The following FREM3 variants were observed in gnomAD, a reference collection of about 807,000 sequenced individuals.
The protein encoded by FREM3 is FRAS1-related extracellular matrix protein 3.
Under a neutral mutation model 129.1 loss-of-function variants are expected in FREM3, and 105 were observed. That is an observed-to-expected ratio of 0.81 (90% CI 0.69 to 0.96). FREM3 has a LOEUF of 0.96. Among genes scored for constraint, FREM3 ranks in the 40% least tolerant of loss-of-function variants. The pLI is 0.00. For synonymous variants in FREM3, 1,014 were observed against 1,044.9 expected, an observed-to-expected ratio of 0.97 and a Z score of 0.57; for missense variants, 2,593 against 2,666.3, an observed-to-expected ratio of 0.97 and a Z score of 0.61.
At chr4:143,644,280 G>A (rs1235422195) in intron 2 of FREM3, among the ~76,000 whole-genome samples, 1 of 151,968 alleles carries the variant, frequency 6.6e-6, no homozygotes, top group Non-Finnish European at 1.5e-5. Context: ...CCGTGTATCT[G>A]CATCATCTTC....
chr4:143,695,692 T>C lies in FREM3; in HGVS notation c.4984A>G (p.Ile1662Val). The C allele has an allele frequency of 6.5e-7, 1 of 1,537,252 alleles. No individual in the cohort carries two copies. Among genetic ancestry groups the C allele is most frequent in the Non-Finnish European group, 8.7e-7 (1 of 1,146,918 alleles). The change falls in exon 1 of 8, where the codon ATT becomes GTT. Residue 1662 changes from isoleucine (I) to valine (V), a missense_variant. Ile to Val is a conservative substitution (Grantham distance 29). Coordinates refer to ENST00000329798, the MANE Select transcript of FREM3 (RefSeq NM_001168235.2). ...IRSLDNRLPQ[I>V]TTNRGAPALK... ...GCTGGGGCACCCCTGTTGGTAGTAA[T>C]CTGGGGAAGCCTATTGTCTAATGAT...
rs77529046 is a variant in FREM3, at chr4:143,618,504, C to G, written c.5779+2533G>C. Among the ~76,000 whole-genome samples the G allele has an allele frequency of 7.3e-3, 1,111 of 152,244 alleles. 9 individuals carry two copies. The highest frequency in any genetic ancestry group is 0.027 in the Middle Eastern group (8 of 294). ...GTAGCATCTTGACTCTTGCATATCTCTTGGTGGAACTGAAACTGAGGGCTA... is the reference window on the plus strand; with the variant it reads ...GTAGCATCTTGACTCTTGCATATCTGTTGGTGGAACTGAAACTGAGGGCTA... On this transcript the variant is annotated intron_variant, in intron 5 of 7. Transcript: ENST00000329798.
At chr4:143,653,358 A>G (rs1209197841) in intron 2 of FREM3, among the ~76,000 whole-genome samples, 2 of 152,200 alleles carry the variant, frequency 1.3e-5, no homozygotes, top group African/African-American at 4.8e-5. Context: ...GTCATTCAAC[A>G]GCTTCTTACT....
At chr4:143,670,929 C>T (rs1739954030) in intron 2 of FREM3, among the ~76,000 whole-genome samples, 1 of 151,864 alleles carries the variant, frequency 6.6e-6, no homozygotes, top group South Asian at 2.1e-4. Flanking sequence ...TGGAGAGAAA[C>T]ATGAATGCAA....
intron 6 of FREM3, among the ~76,000 whole-genome samples, chr4:143,603,856 A>T (rs534528585): frequency 6.6e-6 from 1 of 152,168 alleles, no homozygotes; most frequent in South Asian, 2.1e-4. Flanking sequence ...ATAGCCAACC[A>T]CTAACCAATG....
chr4:143,577,732 T>C lies in FREM3; in HGVS notation c.6299A>G (p.Lys2100Arg). The C allele has an allele frequency of 6.5e-7, 1 of 1,537,326 alleles. No homozygotes were observed. Among genetic ancestry groups the C allele is most frequent in the Non-Finnish European group, 8.7e-7 (1 of 1,146,926 alleles). ...AGGCATCTGAAGAAGTAATTCAAAC[T>C]TCTCTGGGCCTTCCAAGGTAGGCTG... ...LGQPTLEGPEKFELLLQMPMG... is the reference protein window; with the variant it reads ...LGQPTLEGPERFELLLQMPMG... Residue 2100 changes from lysine to arginine, a missense_variant, in exon 8 of 8, where the codon AAG becomes AGG. Transcript: ENST00000329798.
intron 2 of FREM3, among the ~76,000 whole-genome samples, chr4:143,657,282 A>G (rs772522921): frequency 2.0e-5 from 3 of 152,350 alleles, no homozygotes; most frequent in Non-Finnish European, 4.4e-5. Context: ...TCCATAAAGT[A>G]GGTTAATGGT....
intron 6 of FREM3, among the ~76,000 whole-genome samples, chr4:143,603,458 G>C (rs1238294491): frequency 6.6e-6 from 1 of 152,132 alleles, no homozygotes; most frequent in Non-Finnish European, 1.5e-5. Context: ...AGTTGTCTCT[G>C]ATTATGATGA....
At chr4:143,690,549 C>T (rs1176406983) in intron 2 of FREM3, among the ~76,000 whole-genome samples, 5 of 151,982 alleles carry the variant, frequency 3.3e-5, no homozygotes, top group African/African-American at 1.2e-4. Flanking sequence ...TCCTTCAGCC[C>T]GATGGTGAAA....
chr4:143,652,876 G>C (rs1026598836), intron 2 of FREM3, among the ~76,000 whole-genome samples: 1 of 152,176 alleles, frequency 6.6e-6, no homozygotes, highest in Non-Finnish European at 1.5e-5. Context: ...TGATCCGCCT[G>C]CCTCGGCCTC....
intron 6 of FREM3, among the ~76,000 whole-genome samples, chr4:143,590,673 C>T (rs1738341987): frequency 6.6e-6 from 1 of 152,174 alleles, no homozygotes; most frequent in Non-Finnish European, 1.5e-5. Flanking sequence ...CATCAATGTT[C>T]ATCAAGGATA....
intron 7 of FREM3, among the ~76,000 whole-genome samples, chr4:143,584,415 C>CAA (rs33979492): frequency 4.8e-4 from 44 of 90,730 alleles, no homozygotes; most frequent in African/African-American, 1.3e-3. Flanking sequence ...GACTCCGTCT[C>CAA]AAAAAAAAAA....
intron 2 of FREM3, among the ~76,000 whole-genome samples, chr4:143,655,967 AC>A (rs1379722851): frequency 6.6e-6 from 1 of 152,160 alleles, no homozygotes; most frequent in African/African-American, 2.4e-5. Flanking sequence ...CATAGGCATA[AC>A]CCCTGTATTA....
chr4:143,699,806 G>C lies in FREM3; in HGVS notation c.870C>G (p.Phe290Leu), dbSNP rs1408172162. ...CGCCGCGGATCCTCACGAGCAGCTG[G>C]AAGTGCTCGCGGACCAGCACACCCG... ...GSAGVLVREH[F>L]QLLVRIRGGA... is the part of the protein sequence containing the mutation. Residue 290 changes from phenylalanine (F) to leucine (L), a missense_variant, in exon 1 of 8, where the codon TTC (phenylalanine) becomes TTG (leucine). By Grantham distance (22) the Phe-to-Leu change is conservative. This residue lies in a region of FREM3 where 2,276 missense variants were observed against 2,267.2 expected (regional missense o/e 1.00). Coordinates refer to ENST00000329798, the MANE Select transcript of FREM3 (RefSeq NM_001168235.2). This position sits in a 1 kb window ranked among gnomAD's most constrained non-coding sequence, Gnocchi z 4.2. 6.5e-7 allele frequency: 1 copy of C among 1,536,358 alleles called. No homozygotes were observed. Among genetic ancestry groups the C allele is most frequent in the African/African-American group, 1.4e-5 (1 of 73,072 alleles).
chr4:143,588,587 G>A (rs1208943957), intron 6 of FREM3, among the ~76,000 whole-genome samples: 3 of 151,942 alleles, frequency 2.0e-5, no homozygotes, highest in African/African-American at 4.8e-5. Flanking sequence ...CATTTTTTAT[G>A]GCTGCATAGT....
chr4:143,612,024 C>G (rs1011883178), intron 5 of FREM3, among the ~76,000 whole-genome samples: 4 of 152,118 alleles, frequency 2.6e-5, no homozygotes, highest in Non-Finnish European at 4.4e-5. Context: ...AAAATTATAT[C>G]TTATTTTACA....
chr4:143,644,248 GTTTCT>G (rs1332242947), intron 2 of FREM3, among the ~76,000 whole-genome samples: 1 of 151,864 alleles, frequency 6.6e-6, no homozygotes, highest in African/African-American at 2.4e-5. Context: ...GCCGCTTTCT[GTTTCT>G]TTTATCTTGC....
At chr4:143,617,141 C>T (rs921208455) in intron 5 of FREM3, among the ~76,000 whole-genome samples, 21 of 150,428 alleles carry the variant, frequency 1.4e-4, no homozygotes, top group African/African-American at 4.5e-4. Flanking sequence ...GAAATAATGC[C>T]GAGAAATGTC....
intron 6 of FREM3, among the ~76,000 whole-genome samples, chr4:143,587,286 TTA>T (rs1284082494): frequency 1.3e-5 from 2 of 152,216 alleles, no homozygotes; most frequent in African/African-American, 4.8e-5. Context: ...GAAGCCATAT[TTA>T]TTTCCTCAAT....
Sources: allele counts gnomAD v4.1 joint callset (sites outside exome capture counted in the v4.1 genomes callset), GRCh38; gene constraint gnomAD v4.1.1; regional missense constraint gnomAD v4.1.1; non-coding constraint Gnocchi (gnomAD v3.1); transcripts MANE v1.5; gene names NCBI Gene and HGNC (gene_info 2026-07-23, HGNC 2026-07-21).